The following NEURL1 variants were observed in gnomAD, a reference collection of about 807,000 sequenced individuals.
NEURL1 encodes E3 ubiquitin-protein ligase NEURL1.
In NEURL1, 26 loss-of-function variants were observed where a neutral mutation model predicts 41.2. The ratio of observed to expected loss-of-function variants is 0.63; its 90% CI spans 0.46 to 0.87. NEURL1 has a LOEUF of 0.87. Ranked by LOEUF, NEURL1 falls within the 40% of genes least tolerant of loss-of-function variation. The pLI is 0.00. For synonymous variants in NEURL1, 400 were observed against 402.3 expected, an observed-to-expected ratio of 0.99 and a Z score of 0.07; for missense variants, 761 against 871.1, an observed-to-expected ratio of 0.87 and a Z score of 1.59.
chr10:103,563,098 G>A (rs1314179556), intron 1 of NEURL1, among the ~76,000 whole-genome samples: 1 of 152,218 alleles, frequency 6.6e-6, no homozygotes, highest in South Asian at 2.1e-4. Flanking sequence ...GGCAATCTGA[G>A]ATTAGGACGT....
chr10:103,525,313 A>G (rs928968151), intron 1 of NEURL1, among the ~76,000 whole-genome samples: 8 of 148,080 alleles, frequency 5.4e-5, no homozygotes, highest in Non-Finnish European at 9.0e-5. Context: ...ATTAGTTCTC[A>G]GAGTTTTTTT....
chr10:103,585,559 G>A (rs2035902639), intron 4 of NEURL1, among the ~76,000 whole-genome samples: 1 of 152,224 alleles, frequency 6.6e-6, no homozygotes. Flanking sequence ...AAAAGGCCAG[G>A]TGCGGTGGCT....
intron 4 of NEURL1, 54 bp downstream of exon 4, chr10:103,585,279 T>C: frequency 7.1e-7 from 1 of 1,408,152 alleles, no homozygotes; most frequent in Non-Finnish European, 9.3e-7. Flanking sequence ...GCGGGGACGA[T>C]CCGGGTAGGA....
chr10:103,584,899 TC>T lies in NEURL1; in HGVS notation c.1014del (p.Phe339SerfsTer165). On this transcript the variant is annotated frameshift_variant, in exon 4 of 6. Transcript: ENST00000369780. LOFTEE classifies it high-confidence loss of function. ...CGGCCCGTGCGCGTGGCCGAGACCA[TC>T]TTCGTCAAGGTCACGCGCTCGGGTG... ...TSRPVRVAET[I>X]FVKVTRSGGA... 7.4e-7 allele frequency: 1 copy of T among 1,356,954 alleles called. No individual in the cohort carries two copies. Among genetic ancestry groups the T allele is most frequent in the Non-Finnish European group, 9.5e-7 (1 of 1,050,382 alleles). The allele number at this position is 1,356,954 out of a possible 1,614,324, so 84.1% of individuals were successfully genotyped here.
At chr10:103,510,005 G>A (rs1318305835) in intron 1 of NEURL1, among the ~76,000 whole-genome samples, 1 of 152,246 alleles carries the variant, frequency 6.6e-6, no homozygotes, top group South Asian at 2.1e-4. Context: ...CCTGGGTGGG[G>A]TTTGATGATC....
At chr10:103,511,289 C>T (rs921693151) in intron 1 of NEURL1, among the ~76,000 whole-genome samples, 7 of 152,126 alleles carry the variant, frequency 4.6e-5, no homozygotes, top group Non-Finnish European at 7.4e-5. Context: ...TCTGCAGGGA[C>T]CCCCAGGCCC....
chr10:103,578,932 A>G (rs1488595787), intron 3 of NEURL1, among the ~76,000 whole-genome samples: 1 of 152,252 alleles, frequency 6.6e-6, no homozygotes, highest in East Asian at 1.9e-4. Flanking sequence ...AACAGGGGCC[A>G]GCAGATACCT....
chr10:103,498,507 T>A (rs2033744468), intron 1 of NEURL1, among the ~76,000 whole-genome samples: 1 of 152,190 alleles, frequency 6.6e-6, no homozygotes, highest in South Asian at 2.1e-4. Flanking sequence ...ATTACAGGTG[T>A]GAGCCACCGC....
At chr10:103,527,938 G>T (rs943962680) in intron 1 of NEURL1, among the ~76,000 whole-genome samples, 3 of 152,296 alleles carry the variant, frequency 2.0e-5, no homozygotes, top group Admixed American at 2.0e-4. Flanking sequence ...TTGGTATAAA[G>T]GCCGGGCACA....
At chr10:103,501,254 T>C (rs1356110220) in intron 1 of NEURL1, among the ~76,000 whole-genome samples, 1 of 152,142 alleles carries the variant, frequency 6.6e-6, no homozygotes, top group Non-Finnish European at 1.5e-5. Flanking sequence ...ATGCATGTAG[T>C]GATTTTATTT....
At chr10:103,572,126 T>C (rs1286304293) in intron 3 of NEURL1, among the ~76,000 whole-genome samples, 1 of 152,192 alleles carries the variant, frequency 6.6e-6, no homozygotes, top group African/African-American at 2.4e-5. Context: ...CCCCAGGAAG[T>C]AATTAAATTA....
intron 1 of NEURL1, among the ~76,000 whole-genome samples, chr10:103,499,113 C>T (rs2033760650): frequency 6.6e-6 from 1 of 152,216 alleles, no homozygotes; most frequent in Non-Finnish European, 1.5e-5. Flanking sequence ...TTCACAAAGT[C>T]ACTGGTTGTG....
chr10:103,573,197 G>T (rs1386460800), intron 3 of NEURL1, among the ~76,000 whole-genome samples: 1 of 152,138 alleles, frequency 6.6e-6, no homozygotes, highest in African/African-American at 2.4e-5. Flanking sequence ...AAGTGTTTCT[G>T]CACTCACAAT....
intron 1 of NEURL1, among the ~76,000 whole-genome samples, chr10:103,543,337 T>C (rs1435794250): frequency 6.6e-6 from 1 of 152,178 alleles, no homozygotes; most frequent in Non-Finnish European, 1.5e-5. Context: ...CCAATAGTAC[T>C]GCAGGAACAA....
intron 1 of NEURL1, among the ~76,000 whole-genome samples, chr10:103,506,551 C>T (rs1361609633): frequency 7.9e-5 from 12 of 151,488 alleles, no homozygotes; most frequent in Middle Eastern, 3.2e-3. Context: ...TCCTCCTTCA[C>T]GTCTGCTGTC....
rs2035211131 is a variant in NEURL1, at chr10:103,558,536, T to A, written c.86-12336T>A. ...GTGTGTGTGTGTGTGTGTGTGTGTG[T>A]GTGTGTGTGTGTAGTGGGGCTGGTG... is the stretch of plus-strand genomic sequence containing the variant. On this transcript the variant is annotated intron_variant, in intron 1 of 5. Transcript: ENST00000369780. The surrounding 1 kb of genome is among the most constrained non-coding windows in gnomAD (Gnocchi z 4.2). Among the ~76,000 whole-genome samples the A allele has an allele frequency of 6.6e-6, 1 of 151,618 alleles. No homozygotes were observed. The highest frequency in any genetic ancestry group is 2.4e-5 in the African/African-American group (1 of 41,156).
chr10:103,582,783 G>C (rs2035807781), intron 3 of NEURL1, among the ~76,000 whole-genome samples: 2 of 152,218 alleles, frequency 1.3e-5, no homozygotes, highest in South Asian at 4.1e-4. Flanking sequence ...GAGGTTCAGG[G>C]AGAAGGCCCA....
intron 1 of NEURL1, among the ~76,000 whole-genome samples, chr10:103,522,281 G>T (rs748969166): frequency 1.3e-5 from 2 of 150,564 alleles, no homozygotes; most frequent in Non-Finnish European, 3.0e-5. Flanking sequence ...ATTTTGATGC[G>T]TTTTTTTTTC....
intron 1 of NEURL1, among the ~76,000 whole-genome samples, chr10:103,537,340 C>T (rs982760827): frequency 6.6e-6 from 1 of 152,114 alleles, no homozygotes; most frequent in Admixed American, 6.6e-5. Context: ...TTTTGAGGAA[C>T]TGATTCATCT....
Sources: gnomAD v4.1 joint callset for allele counts (sites outside exome capture counted in the v4.1 genomes callset) on GRCh38, gnomAD v4.1.1 for gene constraint, Gnocchi (gnomAD v3.1) non-coding constraint, MANE v1.5 for transcripts, NCBI Gene and HGNC (gene_info 2026-07-23, HGNC 2026-07-21) for gene names.